RPRD2: variants seen among roughly 807,000 people sequenced by gnomAD.
RPRD2 encodes regulation of nuclear pre-mRNA domain containing 2.
In RPRD2, 12 loss-of-function variants were observed where a neutral mutation model predicts 104.4. That is an observed-to-expected ratio of 0.11 (90% CI 0.07 to 0.19). The LOEUF (loss-of-function observed/expected upper bound fraction) is 0.19, where lower values mean the gene tolerates loss of function less well. RPRD2 is among the 10% of genes least tolerant of loss of function. The pLI, the probability that RPRD2 is intolerant of heterozygous loss-of-function variation, is 1.00. For synonymous variants in RPRD2, 714 were observed against 684.9 expected, an observed-to-expected ratio of 1.04 and a Z score of -0.66; for missense variants, 1,543 against 1,790.1, an observed-to-expected ratio of 0.86 and a Z score of 2.49.
chr1:150,375,905 G>C (rs1239293987), intron 1 of RPRD2, among the ~76,000 whole-genome samples: 7 of 152,120 alleles, frequency 4.6e-5, no homozygotes, highest in Admixed American at 3.3e-4. Context: ...TCATCTATTT[G>C]TCAAGGAAAC....
chr1:150,388,487 A>C (rs1553882507), intron 1 of RPRD2, among the ~76,000 whole-genome samples: 1 of 98,574 alleles, frequency 1.0e-5, no homozygotes, highest in African/African-American at 3.5e-5. Flanking sequence ...CACTATATAT[A>C]TATACCCGCG....
At chr1:150,418,749 C>A (rs782041973) in intron 2 of RPRD2, among the ~76,000 whole-genome samples, 1 of 152,156 alleles carries the variant, frequency 6.6e-6, no homozygotes, top group Non-Finnish European at 1.5e-5. Flanking sequence ...CGGTGGCTCA[C>A]GCCTGTAATC....
At chr1:150,384,247 G>A (rs1167937950) in intron 1 of RPRD2, among the ~76,000 whole-genome samples, 1 of 151,976 alleles carries the variant, frequency 6.6e-6, no homozygotes, top group African/African-American at 2.4e-5. Flanking sequence ...TTGCAGAGCA[G>A]GGAGTACCAA....
intron 2 of RPRD2, among the ~76,000 whole-genome samples, chr1:150,427,472 C>CAAAAAAAA (rs111542386): frequency 8.0e-6 from 1 of 125,668 alleles, no homozygotes; most frequent in Non-Finnish European, 1.7e-5. Flanking sequence ...GACTCTATCT[C>CAAAAAAAA]AAAAAAAAAA....
At chr1:150,439,799 C>T (rs1486623608) in intron 2 of RPRD2, among the ~76,000 whole-genome samples, 1 of 152,092 alleles carries the variant, frequency 6.6e-6, no homozygotes, top group East Asian at 1.9e-4. Context: ...TACTTTTGTC[C>T]TTGTTTTGCT....
At chr1:150,381,391 C>T (rs587758752) in intron 1 of RPRD2, among the ~76,000 whole-genome samples, 1 of 152,164 alleles carries the variant, frequency 6.6e-6, no homozygotes, top group Non-Finnish European at 1.5e-5. Flanking sequence ...CACTGCACTC[C>T]AGCCTGGAAA....
intron 2 of RPRD2, among the ~76,000 whole-genome samples, chr1:150,433,476 G>A (rs1487399744): frequency 5.3e-5 from 6 of 113,130 alleles, no homozygotes; most frequent in Non-Finnish European, 5.0e-5. Flanking sequence ...ACGGAGTCTC[G>A]CTCTGTCACC....
intron 1 of RPRD2, among the ~76,000 whole-genome samples, chr1:150,391,121 A>G (rs894503684): frequency 6.6e-6 from 1 of 152,222 alleles, no homozygotes; most frequent in Non-Finnish European, 1.5e-5. Context: ...TTACAAAGGA[A>G]TGACAGATTG....
At chr1:150,458,791 A>C (rs979511784) in intron 8 of RPRD2, among the ~76,000 whole-genome samples, 1 of 151,892 alleles carries the variant, frequency 6.6e-6, no homozygotes, top group African/African-American at 2.4e-5. Context: ...TTGTAGGTGC[A>C]TACCACCACA....
At chr1:150,366,937 TAC>T (rs1659886480) in intron 1 of RPRD2, among the ~76,000 whole-genome samples, 1 of 152,298 alleles carries the variant, frequency 6.6e-6, no homozygotes, top group Non-Finnish European at 1.5e-5. Context: ...AAGCGACAAT[TAC>T]AGTTTTTTTT....
intron 1 of RPRD2, among the ~76,000 whole-genome samples, chr1:150,376,302 T>G (rs368713928): frequency 2.0e-5 from 3 of 152,314 alleles, no homozygotes; most frequent in South Asian, 2.1e-4. Flanking sequence ...TTTCTAGTTC[T>G]CTGGAATCCA....
chr1:150,364,693 A>T lies in RPRD2; in HGVS notation c.-22A>T, dbSNP rs782806629. ...CCGCCGCCGCCGCCAGAGGAGCAGC[A>T]GCGCTTGTGCAAACCGGGAAGATGG... On this transcript the variant is annotated 5_prime_UTR_variant, in exon 1 of 11. Coordinates refer to ENST00000369068, the MANE Select transcript of RPRD2 (RefSeq NM_015203.5). The T allele has an allele frequency of 2.8e-5, 41 of 1,449,354 alleles. No homozygotes were observed. The highest frequency in any genetic ancestry group is 2.1e-4 in the Admixed American group (10 of 47,882). 89.8% of individuals were successfully genotyped at this position (1,449,354 alleles called of 1,614,324 possible).
intron 1 of RPRD2, among the ~76,000 whole-genome samples, chr1:150,369,641 T>TTTTTTTTTTTC (rs1660143382): frequency 2.2e-5 from 3 of 138,892 alleles, no homozygotes; most frequent in Non-Finnish European, 4.7e-5. Context: ...TTTTTTTTTT[T>TTTTTTTTTTTC]TGTATTTTTA....
intron 1 of RPRD2, among the ~76,000 whole-genome samples, chr1:150,376,780 G>T (rs900557855): frequency 6.6e-6 from 1 of 151,644 alleles, no homozygotes; most frequent in Non-Finnish European, 1.5e-5. Context: ...GATTACAGGC[G>T]TGAGCCACCG....
In RPRD2 at chr1:150,411,529, C is replaced by G. The variant is rs1276823678; in HGVS notation, c.206-6067C>G. ...AGTACACTAGGCGCGGTGGCTCACG[C>G]CTGTAATCCCAGCACTTTGGGAGGC... On this transcript the variant is annotated intron_variant, in intron 1 of 10. Transcript: ENST00000369068. Among the ~76,000 whole-genome samples the G allele has an allele frequency of 4.1e-4, 52 of 126,194 alleles. 2 individuals are homozygous for G. The highest frequency in any genetic ancestry group is 4.0e-3 in the Admixed American group (52 of 13,116). 82.8% of individuals were successfully genotyped at this position (126,194 alleles called of 152,430 possible).
At chr1:150,388,995 A>C (rs1037483190) in intron 1 of RPRD2, among the ~76,000 whole-genome samples, 3 of 151,870 alleles carry the variant, frequency 2.0e-5, no homozygotes, top group African/African-American at 7.3e-5. Context: ...TAATTATTAT[A>C]TCTCTTTAGG....
chr1:150,437,216 C>G (rs1336099302), intron 2 of RPRD2, among the ~76,000 whole-genome samples: 24 of 152,048 alleles, frequency 1.6e-4, no homozygotes, highest in African/African-American at 5.3e-4. Flanking sequence ...AACATTAAGG[C>G]CAGGCATGGT....
At chr1:150,403,698 C>T (rs1477869848) in intron 1 of RPRD2, among the ~76,000 whole-genome samples, 2 of 151,788 alleles carry the variant, frequency 1.3e-5, no homozygotes, top group African/African-American at 4.9e-5. Flanking sequence ...GCCCAGGCTG[C>T]AGTGCAGTGT....
intron 6 of RPRD2, among the ~76,000 whole-genome samples, chr1:150,444,900 T>G (rs587650348): frequency 1.3e-5 from 2 of 152,308 alleles, no homozygotes. Context: ...GTGCCGTACT[T>G]TAAATTTAAC....
Sources: gnomAD v4.1 joint callset for allele counts (sites outside exome capture counted in the v4.1 genomes callset) on GRCh38, gnomAD v4.1.1 for gene constraint, MANE v1.5 for transcripts, NCBI Gene and HGNC (gene_info 2026-07-23, HGNC 2026-07-21) for gene names.